The following TMEM184A variants were observed in gnomAD, a reference collection of about 807,000 sequenced individuals.
TMEM184A encodes transmembrane protein 184A, also known as sexually dimorphic, expressed in male gonads 1.
A neutral mutation model predicts 39.5 loss-of-function variants in TMEM184A; 40 were observed. The observed-to-expected ratio is 1.01, with a 90% CI of 0.79 to 1.32. The LOEUF is 1.32. TMEM184A is among the 40% of genes most tolerant of loss of function. The pLI is 0.00. For missense variants in TMEM184A, 603 were observed against 568.8 expected (o/e 1.06, Z -0.61); for synonymous variants, 280 against 252.3 (o/e 1.11, Z -1.04).
At chr7:1,549,042 C>T (rs948423915) in intron 6 of TMEM184A, 10 of 513,858 alleles carry the variant, frequency 1.9e-5, no homozygotes, top group Non-Finnish European at 3.4e-5. Context: ...TGAAGATCCT[C>T]TGTGTGGTGG....
chr7:1,556,203 A>G lies in TMEM184A; in HGVS notation c.-90T>C, dbSNP rs6463928. Reference sequence around the variant, plus strand: ...TCATTCTCATGGCCACGTGGCCCCAACTGGAGGCCCCACTGTGGGTGCGGC... The same window carrying G: ...TCATTCTCATGGCCACGTGGCCCCAGCTGGAGGCCCCACTGTGGGTGCGGC... On this transcript the variant is annotated 5_prime_UTR_variant, in exon 1 of 9. Transcript: ENST00000297477. 0.64 allele frequency: 96,878 copies of G among 152,338 alleles called. 31,041 individuals are homozygous for G. The highest frequency in any genetic ancestry group is 0.69 in the African/African-American group (28,540 of 41,538). 9.4% of individuals were successfully genotyped at this position (152,338 alleles called of 1,614,324 possible).
At chr7:1,548,800 C>A in intron 6 of TMEM184A, 112 bp from the exon 7 acceptor site, 1 of 1,279,286 alleles carries the variant, frequency 7.8e-7, no homozygotes, top group African/African-American at 1.5e-5. Context: ...AGCTTGGGAG[C>A]ATGGGCCCTG....
chr7:1,555,558 G>C lies in TMEM184A; in HGVS notation c.1-74C>G, dbSNP rs370716595. ...CTGGCTCCCGGCAGCAGGAAGCAGCGGGGGAGGGAGGAGACAGTGAGACGG... is the reference window on the plus strand; with the variant it reads ...CTGGCTCCCGGCAGCAGGAAGCAGCCGGGGAGGGAGGAGACAGTGAGACGG... On this transcript the variant is annotated intron_variant, in intron 1 of 8. Coordinates refer to ENST00000297477, the MANE Select transcript of TMEM184A (RefSeq NM_001097620.2). This position sits in a 1 kb window ranked among gnomAD's most constrained non-coding sequence, Gnocchi z 5.2. 958 of 1,138,914 alleles carry C rather than the reference G, an allele frequency of 8.4e-4. 7 individuals are homozygous for C. The South Asian group carries it at 0.011, about 13-fold the overall frequency. 70.6% of individuals were successfully genotyped at this position (1,138,914 alleles called of 1,614,324 possible).
rs149620671 is a variant in TMEM184A, at chr7:1,552,231, G to A, written c.220-1249C>T. On this transcript the variant is annotated intron_variant, in intron 2 of 8. Transcript: ENST00000297477. ...AGGCTCAAGGGATCCTCCTGCCTCC[G>A]TCTCCCAAAGTGCTGGGACTATAGT... Among the ~76,000 whole-genome samples the A allele has an allele frequency of 1.2e-3, 182 of 152,236 alleles. 1 individual carries two copies. Among genetic ancestry groups the A allele is most frequent in the African/African-American group, 4.2e-3 (174 of 41,540 alleles).
In TMEM184A at chr7:1,542,286, C is replaced by G. The variant is rs1784210995; in HGVS notation, c.*4666G>C. On this transcript the variant is annotated 3_prime_UTR_variant, in exon 9 of 9. Transcript: ENST00000297477. Reference sequence around the variant, plus strand: ...TTATCTACAGATTTTTCGTAACAATCTTTCTTTTCCAGTTTGATACTGTAA... The same window carrying G: ...TTATCTACAGATTTTTCGTAACAATGTTTCTTTTCCAGTTTGATACTGTAA... 6.6e-6 allele frequency: 1 copy of G among 152,646 alleles called. No homozygotes were observed. Among genetic ancestry groups the G allele is most frequent in the Non-Finnish European group, 1.5e-5 (1 of 68,046 alleles). 9.5% of individuals were successfully genotyped at this position (152,646 alleles called of 1,614,324 possible). A position where few individuals can be genotyped will look rare whatever the true frequency, so the allele number is the denominator to read the frequency against.
At chr7:1,550,442 C>T (rs768730887) in intron 3 of TMEM184A, 47 bp from the exon 4 acceptor site, 17 of 1,509,564 alleles carry the variant, frequency 1.1e-5, no homozygotes, top group East Asian at 4.6e-5. Flanking sequence ...TGAGCTGCAC[C>T]GGGACCCCAT....
Position 1,546,719 on chromosome 7 carries a change from T to G in TMEM184A, c.*233A>C. On this transcript the variant is annotated 3_prime_UTR_variant, in exon 9 of 9. Transcript: ENST00000297477. ...CCAGGGGGTCCCCAGGCTCTTCCGA[T>G]TGGCTCAGGTGCCCTCTCCTGCGGT... 4.2e-6 allele frequency: 2 copies of G among 475,628 alleles called. No individual in the cohort carries two copies. Among genetic ancestry groups the G allele is most frequent in the Non-Finnish European group, 7.4e-6 (2 of 270,572 alleles). The allele number at this position is 475,628 out of a possible 1,614,324, so 29.5% of individuals were successfully genotyped here. A position where few individuals can be genotyped will look rare whatever the true frequency, so the allele number is the denominator to read the frequency against.
chr7:1,551,816 A>G (rs936200990), intron 2 of TMEM184A, among the ~76,000 whole-genome samples: 4 of 152,034 alleles, frequency 2.6e-5, no homozygotes, highest in African/African-American at 4.8e-5. Flanking sequence ...GCGCGCCTGT[A>G]ATCCCAGCTA....
rs1316632162 is a variant in TMEM184A, at chr7:1,547,690, C to A, written c.1012+52G>T. On this transcript the variant is annotated intron_variant, in intron 8 of 8. Transcript: ENST00000297477. ...GAATGGCACGGACACAGACACGGTG[C>A]CCGGGGCAGGGCTGTGCGCTCCGGG... 10 of 1,543,680 alleles carry A rather than the reference C, an allele frequency of 6.5e-6. No homozygotes were observed. In the Admixed American group the frequency reaches 1.8e-4, roughly 28 times the overall value.
At position 1,549,933 on chromosome 7, in the gene TMEM184A, A is replaced by G; in HGVS notation, c.565T>C (p.Phe189Leu). ...LRFCKQATLQ[F>L]CLVKPVMAVT... ...GCCATGACGGGCTTCACCAGGCAGA[A>G]CTGCAGAGTGGCCTGGGGGCGACGG... Residue 189 changes from phenylalanine (F) to leucine (L), a missense_variant, in exon 6 of 9, where the codon TTC becomes CTC. Phe to Leu is a conservative substitution (Grantham distance 22). Transcript: ENST00000297477. 1 of 1,612,828 alleles carries G rather than the reference A, an allele frequency of 6.2e-7. No individual in the cohort carries two copies. The highest frequency in any genetic ancestry group is 8.5e-7 in the Non-Finnish European group (1 of 1,179,656).
intron 8 of TMEM184A, 139 bp from the exon 9 acceptor site, chr7:1,547,320 C>G: frequency 3.2e-6 from 2 of 624,446 alleles, no homozygotes; most frequent in Non-Finnish European, 2.8e-6. Context: ...GCCCCAGACC[C>G]CTGGACCCCA....
At chr7:1,553,153 A>G (rs915660518) in intron 2 of TMEM184A, among the ~76,000 whole-genome samples, 3 of 151,668 alleles carry the variant, frequency 2.0e-5, no homozygotes, top group African/African-American at 7.3e-5. Flanking sequence ...TTAATTTTTA[A>G]TTATTATTTT....
Position 1,550,115 on chromosome 7 carries a change from C to T in TMEM184A, c.552+8G>A, listed in dbSNP as rs1784528556. 2 of 1,597,436 alleles carry T rather than the reference C, an allele frequency of 1.3e-6. No individual in the cohort carries two copies. The highest frequency in any genetic ancestry group is 1.7e-6 in the Non-Finnish European group (2 of 1,173,356). On this transcript the variant is annotated splice_region_variant and intron_variant, in intron 5 of 8. Coordinates refer to ENST00000297477, the MANE Select transcript of TMEM184A (RefSeq NM_001097620.2). The stretch of plus-strand genomic sequence containing the variant: ...GAGGAGGGCGGGCAGGGCTGGGTGG[C>T]CCCTCACCTGCTTACAGAAGCGCAG...
chr7:1,554,768 G>A (rs999680749), intron 2 of TMEM184A, among the ~76,000 whole-genome samples: 12 of 152,124 alleles, frequency 7.9e-5, no homozygotes, highest in Non-Finnish European at 1.6e-4. Flanking sequence ...GTTGCTTCTC[G>A]CCCATCTCCT....
chr7:1,550,722 T>C, intron 3 of TMEM184A, 95 bp downstream of exon 3: 1 of 1,470,092 alleles, frequency 6.8e-7, no homozygotes, highest in Non-Finnish European at 9.3e-7. Flanking sequence ...GAGAGTGGGG[T>C]GCCCTGGGGA....
At chr7:1,549,177 TGTG>T (rs753221160) in intron 6 of TMEM184A, 108 of 458,046 alleles carry the variant, frequency 2.4e-4, no homozygotes, top group South Asian at 6.8e-4. Context: ...TACATACATG[TGTG>T]GTGGTGTGTG....
At position 1,550,168 on chromosome 7, in the gene TMEM184A, G is replaced by A. The variant is rs750780919; in HGVS notation, c.507C>T (p.Leu169=). The A allele has an allele frequency of 1.2e-6, 2 of 1,608,348 alleles. No homozygotes were observed. Among genetic ancestry groups the A allele is most frequent in the Admixed American group, 1.7e-5 (1 of 59,414 alleles). The change falls in exon 5 of 9, where the codon CTC becomes CTT. Residue 169 remains leucine (L), a synonymous_variant. Coordinates refer to ENST00000297477, the MANE Select transcript of TMEM184A (RefSeq NM_001097620.2). ...ACCCGATGGAGTAGGTCATGCCCCG[G>A]AGGCAGCAGGTGCCGTACAAGCAGC... ...KSSCLYGTCC[L]RGMTYSIGFL... is the part of the protein sequence containing the mutation.
intron 7 of TMEM184A, 40 bp downstream of exon 7, chr7:1,548,479 C>G (rs1340846973): frequency 1.3e-6 from 2 of 1,583,830 alleles, no homozygotes; most frequent in East Asian, 4.5e-5. Context: ...GACTGCAGCC[C>G]CCACCTCGGT....
At chr7:1,554,046 C>T (rs1778451142) in intron 2 of TMEM184A, among the ~76,000 whole-genome samples, 1 of 152,148 alleles carries the variant, frequency 6.6e-6, no homozygotes, top group African/African-American at 2.4e-5. Context: ...GATGGCCTTA[C>T]AGGAAGGGCC....
Sources: allele counts gnomAD v4.1 joint callset (sites outside exome capture counted in the v4.1 genomes callset), GRCh38; gene constraint gnomAD v4.1.1; non-coding constraint Gnocchi (gnomAD v3.1); transcripts MANE v1.5; gene names NCBI Gene and HGNC (gene_info 2026-07-23, HGNC 2026-07-21).